The following SLC22A15 variants were observed in gnomAD, a reference collection of about 807,000 sequenced individuals.
The protein encoded by SLC22A15 is flipt 1.
A neutral mutation model predicts 62.7 loss-of-function variants in SLC22A15; 45 were observed. The observed-to-expected ratio is 0.72, with a 90% CI of 0.56 to 0.92. SLC22A15 has a LOEUF of 0.92. SLC22A15 is among the 40% of genes least tolerant of loss of function. The pLI, the probability that SLC22A15 is intolerant of heterozygous loss-of-function variation, is 0.00. For synonymous variants in SLC22A15, 264 were observed against 267.0 expected (o/e 0.99, Z 0.11); for missense variants, 622 against 665.6 (o/e 0.93, Z 0.72).
At chr1:116,058,103 TA>T (rs199598474) in intron 8 of SLC22A15, among the ~76,000 whole-genome samples, 15 of 148,928 alleles carry the variant, frequency 1.0e-4, no homozygotes, top group East Asian at 4.0e-4. Context: ...GACTAATACA[TA>T]AAAAAAATAG....
At chr1:115,986,840 G>T (rs1654887828) in intron 1 of SLC22A15, among the ~76,000 whole-genome samples, 1 of 152,226 alleles carries the variant, frequency 6.6e-6, no homozygotes, top group African/African-American at 2.4e-5. Flanking sequence ...TAATGACTTG[G>T]ATAAAGATGT....
intron 1 of SLC22A15, among the ~76,000 whole-genome samples, chr1:115,991,509 G>A (rs1215637436): frequency 6.6e-6 from 1 of 152,074 alleles, no homozygotes; most frequent in Non-Finnish European, 1.5e-5. Context: ...TACATATTAT[G>A]CTTACCTGCT....
rs540220328 is a variant in SLC22A15 at position 116,069,628 on chromosome 1, T to G, written c.*2520T>G. On this transcript the variant is annotated 3_prime_UTR_variant, in exon 12 of 12. Coordinates refer to ENST00000369503, the MANE Select transcript of SLC22A15 (RefSeq NM_018420.3). ...TTTGAAAGAAACCATGTTGAAATTT[T>G]CTGATTTTGTGAGTTACAACCACAG... 3.9e-5 allele frequency: 6 copies of G among 152,330 alleles called. No homozygotes were observed. The highest frequency in any genetic ancestry group is 3.9e-4 in the Admixed American group (6 of 15,294). The allele number at this position is 152,330 out of a possible 1,614,324, so 9.4% of individuals were successfully genotyped here. A position where few individuals can be genotyped will look rare whatever the true frequency, so the allele number is the denominator to read the frequency against.
chr1:116,023,028 A>G, intron 4 of SLC22A15, among the ~76,000 whole-genome samples: 1 of 152,202 alleles, frequency 6.6e-6, no homozygotes, highest in East Asian at 1.9e-4. Context: ...TGTGGCTTCA[A>G]ATATGCTTAT....
At chr1:116,002,906 G>T (rs1163946297) in intron 2 of SLC22A15, among the ~76,000 whole-genome samples, 1 of 151,710 alleles carries the variant, frequency 6.6e-6, no homozygotes, top group Non-Finnish European at 1.5e-5. Context: ...TTCTTCTAGC[G>T]AAGGAGTCTC....
chr1:115,979,041 A>G (rs1654467824), intron 1 of SLC22A15, among the ~76,000 whole-genome samples: 2 of 152,206 alleles, frequency 1.3e-5, no homozygotes, highest in South Asian at 4.1e-4. Context: ...CCCAGCTGAG[A>G]GGCACAAAAC....
chr1:115,982,204 T>G (rs1046477488), intron 1 of SLC22A15, among the ~76,000 whole-genome samples: 1 of 152,192 alleles, frequency 6.6e-6, no homozygotes, highest in Non-Finnish European at 1.5e-5. Flanking sequence ...CTCTCTGACT[T>G]CTTTGACCAA....
chr1:115,985,145 C>T (rs898104484), intron 1 of SLC22A15, among the ~76,000 whole-genome samples: 4 of 152,158 alleles, frequency 2.6e-5, no homozygotes, highest in African/African-American at 2.4e-5. Flanking sequence ...CTTCCAGTCC[C>T]GCAGGCTCCG....
At chr1:115,983,234 G>T (rs1327010327) in intron 1 of SLC22A15, among the ~76,000 whole-genome samples, 2 of 152,168 alleles carry the variant, frequency 1.3e-5, no homozygotes, top group Non-Finnish European at 2.9e-5. Flanking sequence ...CTGTTTTATT[G>T]TATTTATTCA....
chr1:115,981,866 G>A (rs1396527560), intron 1 of SLC22A15, among the ~76,000 whole-genome samples: 2 of 152,190 alleles, frequency 1.3e-5, no homozygotes, highest in East Asian at 1.9e-4. Context: ...TTAAAGTCAC[G>A]AGGACAGGCA....
chr1:115,999,484 T>A (rs1020161403), intron 2 of SLC22A15, among the ~76,000 whole-genome samples: 2 of 149,338 alleles, frequency 1.3e-5, no homozygotes, highest in African/African-American at 2.4e-5. Context: ...CAGTGTTGGG[T>A]GCATATATAT....
intron 8 of SLC22A15, among the ~76,000 whole-genome samples, chr1:116,048,368 A>C (rs777362394): frequency 6.6e-6 from 1 of 152,262 alleles, no homozygotes; most frequent in Non-Finnish European, 1.5e-5. Context: ...AAAACTTCTC[A>C]GATTAACGGC....
intron 2 of SLC22A15, among the ~76,000 whole-genome samples, chr1:115,997,655 C>T (rs901101425): frequency 2.6e-5 from 4 of 151,954 alleles, no homozygotes; most frequent in South Asian, 4.1e-4. Flanking sequence ...CATTTTGTAT[C>T]CTGCAAGTTT....
intron 4 of SLC22A15, among the ~76,000 whole-genome samples, chr1:116,025,477 T>C (rs1357082481): frequency 2.0e-5 from 3 of 152,312 alleles, no homozygotes; most frequent in Middle Eastern, 3.4e-3. Flanking sequence ...GGTCAAACAG[T>C]ATACAAGCCA....
intron 3 of SLC22A15, among the ~76,000 whole-genome samples, chr1:116,020,285 GCTCACGC>G (rs757878035): frequency 1.5e-4 from 22 of 150,906 alleles, no homozygotes; most frequent in Non-Finnish European, 3.0e-4. Flanking sequence ...GGGCGCGGTG[GCTCACGC>G]CTGTAATCCC....
At chr1:116,037,611 C>T (rs1320714176) in intron 8 of SLC22A15, 1 of 455,480 alleles carries the variant, frequency 2.2e-6, no homozygotes, top group Admixed American at 3.5e-5. Context: ...GGCTATTAAG[C>T]TACCATCTGG....
chr1:116,042,103 A>G (rs1273062331), intron 8 of SLC22A15, among the ~76,000 whole-genome samples: 6 of 152,064 alleles, frequency 3.9e-5, no homozygotes, highest in Non-Finnish European at 7.4e-5. Flanking sequence ...CATTAACAAA[A>G]AAAAAAAACA....
chr1:116,053,425 C>T (rs368546014), intron 8 of SLC22A15, among the ~76,000 whole-genome samples: 2 of 152,176 alleles, frequency 1.3e-5, no homozygotes, highest in East Asian at 1.9e-4. Context: ...AATCTATGTC[C>T]GATTGGTGTA....
Position 115,986,441 on chromosome 1 carries a change from C to T in SLC22A15, c.88-5590C>T, listed in dbSNP as rs565644999. 3.5e-3 allele frequency among the ~76,000 whole-genome samples: 537 copies of T among 152,166 alleles called. 8 individuals carry two copies. The South Asian group carries it at 0.043, about 12-fold the overall frequency. On this transcript the variant is annotated intron_variant, in intron 1 of 11. Transcript: ENST00000369503. ...TAATGATACAAAGCAATATTTCCCC[C>T]GTAAATAATACAGCCAACTAATGCT...
Sources: gnomAD v4.1 joint callset for allele counts (sites outside exome capture counted in the v4.1 genomes callset) on GRCh38, gnomAD v4.1.1 for gene constraint, MANE v1.5 for transcripts, NCBI Gene and HGNC (gene_info 2026-07-23, HGNC 2026-07-21) for gene names.